The following RASGRF1 variants were observed in gnomAD, a reference collection of about 807,000 sequenced individuals.
RASGRF1 encodes the protein Ras protein specific guanine nucleotide releasing factor 1.
RASGRF1 carries 40 observed loss-of-function variants against 138.7 expected under a neutral mutation model. The ratio of observed to expected loss-of-function variants is 0.29; its 90% CI spans 0.22 to 0.38. The LOEUF (loss-of-function observed/expected upper bound fraction) is 0.38, where lower values mean the gene tolerates loss of function less well. RASGRF1 is among the 10% of genes least tolerant of loss of function. RASGRF1 has a pLI of 1.00. For synonymous variants in RASGRF1, 614 were observed against 663.2 expected, an observed-to-expected ratio of 0.93 and a Z score of 1.14; for missense variants, 1,108 against 1,650.4, an observed-to-expected ratio of 0.67 and a Z score of 5.69.
chr15:79,018,005 C>G, intron 11 of RASGRF1, 99 bp from the exon 12 acceptor site: 1 of 1,451,946 alleles, frequency 6.9e-7, no homozygotes, highest in South Asian at 1.3e-5. Context: ...AGTGGAGGCT[C>G]TGCGTTGGTA....
intron 2 of RASGRF1, 44 bp downstream of exon 2, chr15:79,064,376 G>A (rs1179754860): frequency 6.4e-7 from 1 of 1,571,532 alleles, no homozygotes; most frequent in East Asian, 2.2e-5. Context: ...TTTTCTGCCT[G>A]GACTGTGGAG....
intron 1 of RASGRF1, among the ~76,000 whole-genome samples, chr15:79,086,586 C>G (rs928548780): frequency 2.7e-5 from 4 of 146,110 alleles, no homozygotes; most frequent in African/African-American, 7.7e-5. Context: ...CCCCCCCCCC[C>G]CAGCTTCTGG....
At chr15:79,041,622 C>T (rs568373757) in intron 5 of RASGRF1, among the ~76,000 whole-genome samples, 73 of 152,230 alleles carry the variant, frequency 4.8e-4, no homozygotes, top group Middle Eastern at 3.4e-3. Context: ...GAAGAATGTT[C>T]CAGCCAGAGA....
chr15:79,009,660 T>C (rs1182323064), intron 13 of RASGRF1, among the ~76,000 whole-genome samples: 1 of 152,158 alleles, frequency 6.6e-6, no homozygotes, highest in African/African-American at 2.4e-5. Context: ...TTTCCTTTCC[T>C]TTTCTGTTTT....
At chr15:79,033,529 G>A (rs1297451822) in intron 6 of RASGRF1, among the ~76,000 whole-genome samples, 1 of 150,798 alleles carries the variant, frequency 6.6e-6, no homozygotes, top group Admixed American at 6.6e-5. Context: ...GGGATTAAAG[G>A]CGTGAGCCAC....
Position 79,050,174 on chromosome 15 carries a change from C to CT in RASGRF1, c.532-587dup, listed in dbSNP as rs2057411241. ...TCTCCATTCCCCTTCCTCCCAGTCC[C>CT]TGGCAACCACATTCCACCTTCTATG... On this transcript the variant is annotated intron_variant, in intron 3 of 26. Transcript: ENST00000558480. The surrounding 1 kb of genome is among the most constrained non-coding windows in gnomAD (Gnocchi z 4.1). 6.6e-6 allele frequency among the ~76,000 whole-genome samples: 1 copy of CT among 152,234 alleles called. No individual in the cohort carries two copies. Among genetic ancestry groups the CT allele is most frequent in the South Asian group, 2.1e-4 (1 of 4,830 alleles).
intron 1 of RASGRF1, among the ~76,000 whole-genome samples, chr15:79,076,623 T>C (rs1205635002): frequency 2.6e-5 from 4 of 152,156 alleles, no homozygotes; most frequent in Non-Finnish European, 5.9e-5. Context: ...CAGAAGGGTC[T>C]CAGAGAAAGT....
intron 1 of RASGRF1, among the ~76,000 whole-genome samples, chr15:79,083,648 C>T (rs1308771732): frequency 6.6e-6 from 1 of 152,214 alleles, no homozygotes; most frequent in Admixed American, 6.5e-5. Context: ...TAACAGTCCC[C>T]AGCCAGTCTT....
chr15:79,018,776 C>T (rs1001351708), intron 11 of RASGRF1, among the ~76,000 whole-genome samples: 7 of 152,104 alleles, frequency 4.6e-5, no homozygotes, highest in Non-Finnish European at 8.8e-5. Context: ...GAAGTGGGTG[C>T]CTGTGTGTGG....
intron 26 of RASGRF1, among the ~76,000 whole-genome samples, chr15:78,966,897 T>C (rs1295479027): frequency 6.6e-6 from 1 of 152,128 alleles, no homozygotes; most frequent in Non-Finnish European, 1.5e-5. Flanking sequence ...TAAAGTAAAA[T>C]ATCTCAGTCA....
intron 13 of RASGRF1, among the ~76,000 whole-genome samples, chr15:79,009,220 G>A (rs780237331): frequency 3.3e-5 from 5 of 152,184 alleles, no homozygotes; most frequent in Non-Finnish European, 7.3e-5. Flanking sequence ...CAGTCCTCAG[G>A]AAGGCTTCTG....
Position 79,027,744 on chromosome 15 carries a change from G to T in RASGRF1, c.1378C>A (p.Gln460Lys). The change falls in exon 9 of 27, where the codon CAA (glutamine) becomes AAA (lysine). Residue 460 changes from glutamine to lysine, a missense_variant. Coordinates refer to ENST00000558480, the MANE Select transcript of RASGRF1 (RefSeq NM_001145648.3). This position sits in a 1 kb window ranked among gnomAD's most constrained non-coding sequence, Gnocchi z 4.8. ...LLDTSQTFVR[Q>K]GSLIQVPMSE... Reference sequence around the variant, plus strand: ...AGACAGGGTGCAGAGGCCATACCTTGTCTCACAAAGGTCTGGCTGGTGTCC... The same window carrying T: ...AGACAGGGTGCAGAGGCCATACCTTTTCTCACAAAGGTCTGGCTGGTGTCC... 1 of 1,613,956 alleles carries T rather than the reference G, an allele frequency of 6.2e-7. No homozygotes were observed. Among genetic ancestry groups the T allele is most frequent in the Non-Finnish European group, 8.5e-7 (1 of 1,179,800 alleles).
Position 79,006,083 on chromosome 15 carries a change from C to G in RASGRF1, c.2075+103G>C, listed in dbSNP as rs1483351042. On this transcript the variant is annotated intron_variant, in intron 14 of 26. Transcript: ENST00000558480. The surrounding 1 kb of genome is among the most constrained non-coding windows in gnomAD (Gnocchi z 4.0). ...GCACCCCAACACGTTACTGCTGCTC[C>G]TCCAGGGACCTTCCAGGTCACCCCC... The G allele has an allele frequency of 1.3e-5, 20 of 1,512,836 alleles. No homozygotes were observed. The highest frequency in any genetic ancestry group is 1.7e-5 in the Non-Finnish European group (19 of 1,111,716). 93.7% of individuals were successfully genotyped at this position (1,512,836 alleles called of 1,614,324 possible). A position where few individuals can be genotyped will look rare whatever the true frequency, so the allele number is the denominator to read the frequency against.
At chr15:79,018,189 T>C (rs2056908188) in intron 11 of RASGRF1, among the ~76,000 whole-genome samples, 1 of 152,186 alleles carries the variant, frequency 6.6e-6, no homozygotes, top group East Asian at 1.9e-4. Context: ...ATTACACCAA[T>C]GGAGGTGAGG....
At chr15:79,079,502 T>C (rs1364582329) in intron 1 of RASGRF1, among the ~76,000 whole-genome samples, 1 of 149,114 alleles carries the variant, frequency 6.7e-6, no homozygotes, top group Non-Finnish European at 1.5e-5. Context: ...TGGAATACTA[T>C]AGAGCCACAA....
At chr15:79,026,469 A>T (rs2140990966) in intron 9 of RASGRF1, among the ~76,000 whole-genome samples, 1 of 152,194 alleles carries the variant, frequency 6.6e-6, no homozygotes, top group South Asian at 2.1e-4. Flanking sequence ...TTGTCCCCTC[A>T]TGACTCTCTT....
chr15:79,048,037 G>A (rs1452772488), intron 4 of RASGRF1, among the ~76,000 whole-genome samples: 1 of 152,170 alleles, frequency 6.6e-6, no homozygotes, highest in Non-Finnish European at 1.5e-5. Flanking sequence ...GCTCCAGGAG[G>A]GTGAAAATAG....
chr15:79,034,264 C>A (rs1285887581), intron 6 of RASGRF1, among the ~76,000 whole-genome samples: 2 of 151,938 alleles, frequency 1.3e-5, no homozygotes, highest in Non-Finnish European at 2.9e-5. Flanking sequence ...CAACACTCAC[C>A]TTTATCTACC....
In RASGRF1 at chr15:79,046,204, A is replaced by C. The variant is rs2057352439; in HGVS notation, c.878+542T>G. 6.6e-6 allele frequency among the ~76,000 whole-genome samples: 1 copy of C among 152,198 alleles called. No individual in the cohort carries two copies. The highest frequency in any genetic ancestry group is 1.5e-5 in the Non-Finnish European group (1 of 68,038). The stretch of plus-strand genomic sequence containing the variant: ...AACTCTAAGGCACCTGAGAATTCTA[A>C]GTTTCAACCTGGCCTCCAGGTCATT... On this transcript the variant is annotated intron_variant, in intron 5 of 26. Coordinates refer to ENST00000558480, the MANE Select transcript of RASGRF1 (RefSeq NM_001145648.3). This position sits in a 1 kb window ranked among gnomAD's most constrained non-coding sequence, Gnocchi z 5.3.
Sources: gnomAD v4.1 joint callset for allele counts (sites outside exome capture counted in the v4.1 genomes callset) on GRCh38, gnomAD v4.1.1 for gene constraint, Gnocchi (gnomAD v3.1) non-coding constraint, MANE v1.5 for transcripts, NCBI Gene and HGNC (gene_info 2026-07-23, HGNC 2026-07-21) for gene names.